The following CHD9 variants were observed in gnomAD, a reference collection of about 807,000 sequenced individuals.
CHD9 encodes the protein chromodomain helicase DNA binding protein 9.
In CHD9, 77 loss-of-function variants were observed where a neutral mutation model predicts 316.1. The ratio of observed to expected loss-of-function variants is 0.24; its 90% CI spans 0.20 to 0.29. The LOEUF is 0.29. CHD9 is among the 10% of genes least tolerant of loss of function. The probability of loss-of-function intolerance (pLI) is 1.00; values close to 1 mark genes in which losing one functional copy is unlikely to be tolerated. For synonymous variants in CHD9, 1,129 were observed against 1,158.3 expected, an observed-to-expected ratio of 0.97 and a Z score of 0.51; for missense variants, 2,763 against 3,438.1, an observed-to-expected ratio of 0.80 and a Z score of 4.91.
intron 1 of CHD9, among the ~76,000 whole-genome samples, chr16:53,117,308 A>G (rs1192262308): frequency 6.6e-6 from 1 of 152,152 alleles, no homozygotes; most frequent in African/African-American, 2.4e-5. Context: ...AAAAAATTCA[A>G]TTATATATTT....
At position 53,214,910 on chromosome 16, in the gene CHD9, T is replaced by C. The variant is rs1567493697; in HGVS notation, c.1784+5097T>C. Among the ~76,000 whole-genome samples the C allele has an allele frequency of 7.8e-5, 10 of 128,116 alleles. No homozygotes were observed. The South Asian group carries it at 2.5e-3, about 33-fold the overall frequency. The allele number at this position is 128,116 out of a possible 152,430, so 84.0% of individuals were successfully genotyped here. A position where few individuals can be genotyped will look rare whatever the true frequency, so the allele number is the denominator to read the frequency against. On this transcript the variant is annotated intron_variant, in intron 3 of 38. Coordinates refer to ENST00000447540, the MANE Select transcript of CHD9 (RefSeq NM_001308319.2). ...GCAGAGATGTTCGTAAAAAACAATA[T>C]ATATCTTTTTTTTTTTTTTTTGAGA...
At chr16:53,286,926 A>C (rs1349004191) in intron 26 of CHD9, among the ~76,000 whole-genome samples, 1 of 152,166 alleles carries the variant, frequency 6.6e-6, no homozygotes, top group Non-Finnish European at 1.5e-5. Context: ...TGACAAAAAA[A>C]AAAGTCTGTA....
chr16:53,089,849 G>A (rs62050296), intron 1 of CHD9, among the ~76,000 whole-genome samples: 3,627 of 152,338 alleles, frequency 0.024, 67 homozygotes, highest in Middle Eastern at 0.041. Context: ...ACTGGCACAC[G>A]AGGAACACCC....
intron 10 of CHD9, among the ~76,000 whole-genome samples, chr16:53,232,766 T>A (rs1489264192): frequency 6.6e-6 from 1 of 151,500 alleles, no homozygotes; most frequent in Non-Finnish European, 1.5e-5. Context: ...TATTTTAATG[T>A]TCATTGGCTA....
At chr16:53,103,127 G>C (rs905623387) in intron 1 of CHD9, among the ~76,000 whole-genome samples, 5 of 147,652 alleles carry the variant, frequency 3.4e-5, no homozygotes, top group African/African-American at 1.3e-4. Flanking sequence ...TTATAGGCAT[G>C]AGCCACCCCA....
At chr16:53,275,171 A>G (rs929613188) in intron 24 of CHD9, among the ~76,000 whole-genome samples, 2 of 152,070 alleles carry the variant, frequency 1.3e-5, no homozygotes, top group Non-Finnish European at 2.9e-5. Context: ...AGCTGGGATT[A>G]CAGGTGCCAT....
chr16:53,257,032 T>C (rs1322741807), intron 19 of CHD9, among the ~76,000 whole-genome samples: 1 of 151,812 alleles, frequency 6.6e-6, no homozygotes, highest in Non-Finnish European at 1.5e-5. Flanking sequence ...AAAAATAAAG[T>C]AGGAGATTAT....
chr16:53,123,996 A>G (rs1329515141), intron 1 of CHD9, among the ~76,000 whole-genome samples: 1 of 152,144 alleles, frequency 6.6e-6, no homozygotes, highest in East Asian at 1.9e-4. Context: ...TTATCCAGTC[A>G]TCAGCTGATA....
chr16:53,176,372 G>A (rs771212846), intron 2 of CHD9, among the ~76,000 whole-genome samples: 2 of 152,044 alleles, frequency 1.3e-5, no homozygotes, highest in African/African-American at 4.8e-5. Context: ...TGATTACATC[G>A]GGCCTACATG....
At chr16:53,289,384 A>T (rs11075899) in intron 27 of CHD9, among the ~76,000 whole-genome samples, 36,426 of 151,956 alleles carry the variant, frequency 0.24, 4,697 homozygotes, top group Middle Eastern at 0.31. Context: ...ATGGGACCCC[A>T]TCTCTAAAAA....
In CHD9 at chr16:53,243,037, AT is replaced by A. The variant is rs1597604701; in HGVS notation, c.3054+23del. 5.3e-6 allele frequency: 8 copies of A among 1,514,978 alleles called. No individual in the cohort carries two copies. In the East Asian group the frequency reaches 1.8e-4, roughly 34 times the overall value. The allele number at this position is 1,514,978 out of a possible 1,614,324, so 93.8% of individuals were successfully genotyped here. A position where few individuals can be genotyped will look rare whatever the true frequency, so the allele number is the denominator to read the frequency against. ...ATCTGGTAAGTAACTTAATATTATC[AT>A]TATGACAATTGAGTTTATTAGATGT... On this transcript the variant is annotated intron_variant, in intron 13 of 38. Coordinates refer to ENST00000447540, the MANE Select transcript of CHD9 (RefSeq NM_001308319.2).
intron 3 of CHD9, among the ~76,000 whole-genome samples, chr16:53,216,283 A>T (rs909423780): frequency 1.3e-5 from 2 of 152,138 alleles, no homozygotes; most frequent in Non-Finnish European, 2.9e-5. Context: ...TTTTTCTGCT[A>T]CTGAAACATC....
chr16:53,225,376 C>T (rs1186632286), intron 4 of CHD9, among the ~76,000 whole-genome samples: 4 of 152,146 alleles, frequency 2.6e-5, no homozygotes, highest in Non-Finnish European at 5.9e-5. Context: ...TGAAATGTCT[C>T]TACCCCATGA....
At chr16:53,084,951 G>A (rs772644513) in intron 1 of CHD9, among the ~76,000 whole-genome samples, 10 of 152,180 alleles carry the variant, frequency 6.6e-5, no homozygotes, top group Admixed American at 3.3e-4. Flanking sequence ...TTGCAAACTG[G>A]GGGTGCTCGG....
chr16:53,232,849 C>T (rs1001342073), intron 10 of CHD9, among the ~76,000 whole-genome samples: 1 of 152,204 alleles, frequency 6.6e-6, no homozygotes, highest in Non-Finnish European at 1.5e-5. Flanking sequence ...CAGTCCTGTT[C>T]TCAGTATACT....
chr16:53,219,675 T>G (rs572049651), intron 3 of CHD9, among the ~76,000 whole-genome samples: 1 of 152,346 alleles, frequency 6.6e-6, no homozygotes, highest in South Asian at 2.1e-4. Flanking sequence ...ATTTTAAAAG[T>G]CTTTTGAGTC....
chr16:53,278,565 G>A (rs937352337), intron 24 of CHD9, among the ~76,000 whole-genome samples: 6 of 152,194 alleles, frequency 3.9e-5, no homozygotes, highest in African/African-American at 1.4e-4. Context: ...GTAGGCGAAT[G>A]AAACTGGATC....
At chr16:53,133,568 G>A (rs1006482730) in intron 1 of CHD9, among the ~76,000 whole-genome samples, 1 of 151,970 alleles carries the variant, frequency 6.6e-6, no homozygotes, top group Non-Finnish European at 1.5e-5. Context: ...CTTGACATCC[G>A]TGAGCCTTAG....
At chr16:53,204,539 C>G (rs2045741718) in intron 2 of CHD9, among the ~76,000 whole-genome samples, 1 of 152,106 alleles carries the variant, frequency 6.6e-6, no homozygotes, top group Non-Finnish European at 1.5e-5. Context: ...CTCTTCTACT[C>G]TATTTGTTTT....
Sources: gnomAD v4.1 joint callset for allele counts (sites outside exome capture counted in the v4.1 genomes callset) on GRCh38, gnomAD v4.1.1 for gene constraint, MANE v1.5 for transcripts, NCBI Gene and HGNC (gene_info 2026-07-23, HGNC 2026-07-21) for gene names.